Variants in PRDM2 observed in about 807,000 individuals in gnomAD.
The protein encoded by PRDM2 is PR domain zinc finger protein 2.
In PRDM2, 30 loss-of-function variants were observed where a neutral mutation model predicts 130.0. The ratio of observed to expected loss-of-function variants is 0.23; its 90% CI spans 0.17 to 0.31. The LOEUF (loss-of-function observed/expected upper bound fraction) is 0.31, where lower values mean the gene tolerates loss of function less well. Ranked by LOEUF, PRDM2 falls within the 10% of genes least tolerant of loss-of-function variation. The pLI, the probability that PRDM2 is intolerant of heterozygous loss-of-function variation, is 1.00. For synonymous variants in PRDM2, 871 were observed against 782.4 expected, an observed-to-expected ratio of 1.11 and a Z score of -1.89; for missense variants, 2,011 against 2,108.4, an observed-to-expected ratio of 0.95 and a Z score of 0.90.
intron 4 of PRDM2, among the ~76,000 whole-genome samples, chr1:13,734,019 T>C (rs76453644): frequency 0.013 from 1,967 of 152,354 alleles, 20 homozygotes; most frequent in Middle Eastern, 0.037. Flanking sequence ...TGCTCTAAGC[T>C]GTTTCCCAAC....
In PRDM2 at chr1:13,781,956, T is replaced by C; in HGVS notation, c.4161T>C (p.Asp1387=). The part of the protein sequence containing the change: ...VQPKNGVVVL[D]NSGKNAFRRM... Reference sequence around the variant, plus strand: ...CCAAAAATGGCGTGGTGGTTTTAGATAACTCTGGGAAAAATGCCTTCCGAC... The same window carrying C: ...CCAAAAATGGCGTGGTGGTTTTAGACAACTCTGGGAAAAATGCCTTCCGAC... Residue 1387 remains aspartate, a synonymous_variant, in exon 8 of 10, where the codon GAT becomes GAC. Transcript: ENST00000311066. This position sits in a 1 kb window ranked among gnomAD's most constrained non-coding sequence, Gnocchi z 6.1. 6.2e-7 allele frequency: 1 copy of C among 1,614,146 alleles called. No homozygotes were observed. Among genetic ancestry groups the C allele is most frequent in the Non-Finnish European group, 8.5e-7 (1 of 1,180,022 alleles).
chr1:13,808,777 C>T (rs1275388410), intron 8 of PRDM2, among the ~76,000 whole-genome samples: 1 of 152,182 alleles, frequency 6.6e-6, no homozygotes, highest in Admixed American at 6.5e-5. Context: ...CCACGCTCTG[C>T]CATCAGAGAC....
chr1:13,737,954 A>G (rs76630817), intron 4 of PRDM2, among the ~76,000 whole-genome samples: 2,734 of 152,284 alleles, frequency 0.018, 63 homozygotes, highest in South Asian at 0.12. Flanking sequence ...ATAAAGATAT[A>G]CTAGAAGTGA....
chr1:13,814,366 C>T (rs1005086690), intron 8 of PRDM2, among the ~76,000 whole-genome samples: 1 of 152,240 alleles, frequency 6.6e-6, no homozygotes, highest in Non-Finnish European at 1.5e-5. Context: ...AGGGGCAGCC[C>T]TGACCTTGAC....
chr1:13,774,069 C>T lies in PRDM2; in HGVS notation c.622+881C>T, dbSNP rs955735544. Among the ~76,000 whole-genome samples, 4 of 152,288 alleles carry T rather than the reference C, an allele frequency of 2.6e-5. No individual in the cohort carries two copies. In the South Asian group the frequency reaches 8.3e-4, roughly 32 times the overall value. ...AATTTAAATTCTTATTTTGTCTCTT[C>T]GTGTTTGTCCCCTTAAAATTTTCTC... On this transcript the variant is annotated intron_variant, in intron 7 of 9. Transcript: ENST00000311066.
At chr1:13,736,050 T>C (rs1398195409) in intron 4 of PRDM2, among the ~76,000 whole-genome samples, 2 of 152,136 alleles carry the variant, frequency 1.3e-5, no homozygotes, top group East Asian at 1.9e-4. Flanking sequence ...GCTTTTTTTT[T>C]CTTTCAGTAT....
chr1:13,821,194 G>T (rs1229928612), intron 9 of PRDM2, among the ~76,000 whole-genome samples: 1 of 151,090 alleles, frequency 6.6e-6, no homozygotes, highest in Non-Finnish European at 1.5e-5. Context: ...TCATGGGTTT[G>T]TTGAGAAGAT....
intron 4 of PRDM2, among the ~76,000 whole-genome samples, chr1:13,738,506 A>G (rs1313800294): frequency 6.6e-6 from 1 of 152,226 alleles, no homozygotes; most frequent in African/African-American, 2.4e-5. Flanking sequence ...GTTGTAGTAT[A>G]AAATCTAGTT....
In PRDM2 at chr1:13,798,879, G is replaced by A. The variant is rs1229111886; in HGVS notation, c.5036+16048G>A. Among the ~76,000 whole-genome samples the A allele has an allele frequency of 2.0e-5, 3 of 152,140 alleles. No homozygotes were observed. In the East Asian group the frequency reaches 5.8e-4, roughly 29 times the overall value. The stretch of plus-strand genomic sequence containing the variant: ...CAAAATAATGAATCATCTTCTTAGG[G>A]TTTAAACACTGATGGGTTTCATGGT... On this transcript the variant is annotated intron_variant, in intron 8 of 9. Coordinates refer to ENST00000311066, the MANE Select transcript of PRDM2 (RefSeq NM_001393986.1).
intron 8 of PRDM2, among the ~76,000 whole-genome samples, chr1:13,791,050 A>T (rs1227679198): frequency 6.6e-6 from 1 of 152,038 alleles, no homozygotes; most frequent in African/African-American, 2.4e-5. Context: ...ACACAACTCT[A>T]AGGTGGCAAG....
At chr1:13,732,737 A>G in intron 3 of PRDM2, 42 bp from the exon 4 acceptor site, 1 of 1,380,960 alleles carries the variant, frequency 7.2e-7, no homozygotes. Context: ...AATCTTTAAA[A>G]TAACCATGAT....
At chr1:13,776,888 C>T (rs1644486613) in intron 7 of PRDM2, among the ~76,000 whole-genome samples, 6 of 152,176 alleles carry the variant, frequency 3.9e-5, no homozygotes, top group Admixed American at 3.9e-4. Flanking sequence ...CAGGTGACCT[C>T]ATCCAGTCCA....
At chr1:13,715,505 C>A in intron 1 of PRDM2, 36 bp from the exon 2 acceptor site, 3 of 994,274 alleles carry the variant, frequency 3.0e-6, no homozygotes, top group South Asian at 2.0e-5. Context: ...AATTTGTAGG[C>A]AGGTACATAT....
At chr1:13,756,956 C>G (rs950816794) in intron 6 of PRDM2, among the ~76,000 whole-genome samples, 2 of 152,206 alleles carry the variant, frequency 1.3e-5, no homozygotes, top group African/African-American at 4.8e-5. Context: ...ATAAAAGGCT[C>G]TGTCTGTCTA....
intron 2 of PRDM2, among the ~76,000 whole-genome samples, chr1:13,720,633 A>C (rs145976002): frequency 1.3e-5 from 2 of 152,308 alleles, no homozygotes; most frequent in Admixed American, 1.3e-4. Flanking sequence ...AATAATAAAA[A>C]ATAGTAACTT....
chr1:13,781,272 A>G lies in PRDM2; in HGVS notation c.3477A>G (p.Glu1159=). ...LTKHLSIHAE[E]WPFKCEFCVQ... is the part of the protein sequence containing the mutation. Reference sequence around the variant, plus strand: ...AACATTTATCTATTCATGCTGAAGAATGGCCCTTCAAATGTGAATTTTGTG... The same window carrying G: ...AACATTTATCTATTCATGCTGAAGAGTGGCCCTTCAAATGTGAATTTTGTG... The change falls in exon 8 of 10, where the codon GAA becomes GAG. Residue 1159 remains glutamate, a synonymous_variant. Transcript: ENST00000311066. This position sits in a 1 kb window ranked among gnomAD's most constrained non-coding sequence, Gnocchi z 6.1. 7 of 1,614,258 alleles carry G rather than the reference A, an allele frequency of 4.3e-6. No individual in the cohort carries two copies. The highest frequency in any genetic ancestry group is 5.9e-6 in the Non-Finnish European group (7 of 1,180,040).
At position 13,773,842 on chromosome 1, in the gene PRDM2, A is replaced by G. The variant is rs575262029; in HGVS notation, c.622+654A>G. The stretch of plus-strand genomic sequence containing the variant: ...GCACCTGGGGTGCTCGCTGTTTTCT[A>G]TTATTCATCTGTGGAATGGTCACAT... On this transcript the variant is annotated intron_variant, in intron 7 of 9. Transcript: ENST00000311066. Among the ~76,000 whole-genome samples the G allele has an allele frequency of 2.2e-4, 34 of 152,340 alleles. No homozygotes were observed. The South Asian group carries it at 5.2e-3, about 23-fold the overall frequency.
intron 8 of PRDM2, among the ~76,000 whole-genome samples, chr1:13,783,357 C>CA (rs1313567313): frequency 4.6e-5 from 7 of 152,332 alleles, no homozygotes; most frequent in Admixed American, 4.6e-4. Context: ...CAAAACAAAA[C>CA]ATAGTCCTTT....
intron 1 of PRDM2, among the ~76,000 whole-genome samples, chr1:13,713,577 A>G (rs1354881108): frequency 6.6e-6 from 1 of 152,216 alleles, no homozygotes; most frequent in African/African-American, 2.4e-5. Flanking sequence ...GGAAATGGTA[A>G]AGCATTATAG....
Sources: gnomAD v4.1 joint callset for allele counts (sites outside exome capture counted in the v4.1 genomes callset) on GRCh38, gnomAD v4.1.1 for gene constraint, Gnocchi (gnomAD v3.1) non-coding constraint, MANE v1.5 for transcripts, NCBI Gene and HGNC (gene_info 2026-07-23, HGNC 2026-07-21) for gene names.